ABLIM2: variants seen among roughly 807,000 people sequenced by gnomAD.
The protein encoded by ABLIM2 is actin-binding LIM protein 2.
ABLIM2 carries 53 observed loss-of-function variants against 97.7 expected under a neutral mutation model. That is an observed-to-expected ratio of 0.54 (90% confidence interval 0.44 to 0.68). ABLIM2 has a LOEUF of 0.68. Among genes scored for constraint, ABLIM2 ranks in the 30% least tolerant of loss-of-function variants. The pLI, the probability that ABLIM2 is intolerant of heterozygous loss-of-function variation, is 0.00. For missense variants in ABLIM2, 835 were observed against 867.2 expected (o/e 0.96, Z 0.47); for synonymous variants, 361 against 345.8 (o/e 1.04, Z -0.49).
At chr4:8,136,283 C>T (rs548949667) in intron 1 of ABLIM2, among the ~76,000 whole-genome samples, 1 of 152,100 alleles carries the variant, frequency 6.6e-6, no homozygotes, top group South Asian at 2.1e-4. Context: ...GTGGCAGGGG[C>T]CGGGGAGTTA....
chr4:7,982,705 A>G (rs554475091), intron 20 of ABLIM2, among the ~76,000 whole-genome samples: 1 of 151,612 alleles, frequency 6.6e-6, no homozygotes, highest in African/African-American at 2.4e-5. Flanking sequence ...AGAGCTCATT[A>G]TTATTATTAT....
Position 8,151,195 on chromosome 4 carries a change from T to C in ABLIM2, c.10+7485A>G, listed in dbSNP as rs548746461. On this transcript the variant is annotated intron_variant, in intron 1 of 20. Coordinates refer to ENST00000447017, the MANE Select transcript of ABLIM2 (RefSeq NM_001130083.2). ...CCAGCCCCAAAGCCAGTGCATCTTC[T>C]GAGGCACCCAGACTGGCCCCCTCAC... Among the ~76,000 whole-genome samples, 6 of 152,304 alleles carry C rather than the reference T, an allele frequency of 3.9e-5. No individual in the cohort carries two copies. The East Asian group carries it at 1.2e-3, about 29-fold the overall frequency.
chr4:7,997,065 T>G (rs889463842), intron 16 of ABLIM2, among the ~76,000 whole-genome samples: 1 of 152,134 alleles, frequency 6.6e-6, no homozygotes, highest in African/African-American at 2.4e-5. Context: ...CAGACATTAT[T>G]TTTTACATAT....
rs1290893611 is a variant in ABLIM2 at position 8,071,218 on chromosome 4, A to C, written c.675+6410T>G. On this transcript the variant is annotated intron_variant, in intron 6 of 20. Transcript: ENST00000447017. This position sits in a 1 kb window ranked among gnomAD's most constrained non-coding sequence, Gnocchi z 6.2. ...TCTGCCACAGTTGCTGCCAGGCGCC[A>C]CCCACCTCTGCTGCCCCAGCCCAGT... Among the ~76,000 whole-genome samples the C allele has an allele frequency of 1.3e-5, 2 of 152,000 alleles. No homozygotes were observed. The highest frequency in any genetic ancestry group is 2.9e-5 in the Non-Finnish European group (2 of 67,996).
At chr4:8,024,511 G>T (rs11726230) in intron 12 of ABLIM2, among the ~76,000 whole-genome samples, 20,030 of 152,140 alleles carry the variant, frequency 0.13, 1,339 homozygotes, top group Middle Eastern at 0.2. Context: ...GAGGAGCCCG[G>T]GGAGCAAACA....
In ABLIM2 at chr4:8,054,562, G is replaced by T. The variant is rs200739384; in HGVS notation, c.764-316C>A. ...TCTTGAGGAACCTGGGGGGCAGCTG[G>T]AAGATTCTTCTCTGAGGAGGGGGTA... On this transcript the variant is annotated intron_variant, in intron 7 of 20. Transcript: ENST00000447017. This position sits in a 1 kb window ranked among gnomAD's most constrained non-coding sequence, Gnocchi z 4.9. Among the ~76,000 whole-genome samples, 13 of 152,354 alleles carry T rather than the reference G, an allele frequency of 8.5e-5. No homozygotes were observed. The highest frequency in any genetic ancestry group is 5.8e-4 in the East Asian group (3 of 5,182).
chr4:7,985,211 T>G (rs1009927644), intron 17 of ABLIM2, among the ~76,000 whole-genome samples: 9 of 152,170 alleles, frequency 5.9e-5, no homozygotes, highest in Non-Finnish European at 1.2e-4. Flanking sequence ...GTGCCTGAGT[T>G]CCCCACTCTG....
intron 3 of ABLIM2, among the ~76,000 whole-genome samples, chr4:8,091,052 C>A (rs1827034441): frequency 2.0e-5 from 3 of 151,108 alleles, no homozygotes. Flanking sequence ...AACTGCCAAG[C>A]CGGTTTCCAT....
At chr4:8,016,192 C>T (rs1361119313) in intron 14 of ABLIM2, among the ~76,000 whole-genome samples, 1 of 151,942 alleles carries the variant, frequency 6.6e-6, no homozygotes, top group African/African-American at 2.4e-5. Flanking sequence ...TACAGGCATG[C>T]ACCACCATGC....
At chr4:8,097,403 G>T in intron 2 of ABLIM2, 121 bp from the exon 3 acceptor site, 1 of 1,239,820 alleles carries the variant, frequency 8.1e-7, no homozygotes. Flanking sequence ...TGAGGCCTCG[G>T]CACACACTTG....
chr4:7,985,308 T>C (rs1742911912), intron 17 of ABLIM2, among the ~76,000 whole-genome samples: 1 of 152,150 alleles, frequency 6.6e-6, no homozygotes, highest in Non-Finnish European at 1.5e-5. Flanking sequence ...TCCCCGTTGG[T>C]GATCTGTCCC....
Position 8,005,499 on chromosome 4 carries a change from G to A in ABLIM2, c.1618+2560C>T. 1.9e-6 allele frequency: 1 copy of A among 520,168 alleles called. No homozygotes were observed. Among genetic ancestry groups the A allele is most frequent in the Non-Finnish European group, 3.9e-6 (1 of 255,350 alleles). The allele number at this position is 520,168 out of a possible 1,614,324, so 32.2% of individuals were successfully genotyped here. ...GTAAAAGCTGTGTGCAAATGGAACT[G>A]GTGCCCACGGACTCAGGTCTGGGGG... On this transcript the variant is annotated intron_variant, in intron 16 of 20. Transcript: ENST00000447017. The surrounding 1 kb of genome is among the most constrained non-coding windows in gnomAD (Gnocchi z 4.9).
chr4:8,139,577 C>T lies in ABLIM2; in HGVS notation c.10+19103G>A, dbSNP rs532470052. ...TACCATCTCACACCAGTCAGAATGGCGATTATTAAAAAGTCAAGAAACGAC... is the reference window on the plus strand; with the variant it reads ...TACCATCTCACACCAGTCAGAATGGTGATTATTAAAAAGTCAAGAAACGAC... On this transcript the variant is annotated intron_variant, in intron 1 of 20. Coordinates refer to ENST00000447017, the MANE Select transcript of ABLIM2 (RefSeq NM_001130083.2). Among the ~76,000 whole-genome samples, 63 of 152,188 alleles carry T rather than the reference C, an allele frequency of 4.1e-4. 1 individual carries two copies. The South Asian group carries it at 9.6e-3, about 23-fold the overall frequency.
chr4:8,045,598 G>C (rs983281032), intron 8 of ABLIM2, among the ~76,000 whole-genome samples: 1 of 152,198 alleles, frequency 6.6e-6, no homozygotes, highest in African/African-American at 2.4e-5. Flanking sequence ...AGTGAGCCAA[G>C]ATCGCGCCAC....
At chr4:8,091,321 ATATATATAT>A (rs1827420307) in intron 3 of ABLIM2, among the ~76,000 whole-genome samples, 1 of 28,328 alleles carries the variant, frequency 3.5e-5, no homozygotes, top group Non-Finnish European at 5.7e-5. Context: ...ATATATAATT[ATATATATAT>A]TATATATATA....
chr4:8,061,013 G>C lies in ABLIM2; in HGVS notation c.717C>G (p.Val239=). 6.3e-7 allele frequency: 1 copy of C among 1,599,658 alleles called. No individual in the cohort carries two copies. Residue 239 remains valine (V), a synonymous_variant, in exon 7 of 21, where the codon GTC becomes GTG. Transcript: ENST00000447017. This position sits in a 1 kb window ranked among gnomAD's most constrained non-coding sequence, Gnocchi z 4.5. The part of the protein sequence containing the change: ...KHYHPSCALC[V]RCGQMFAEGE... ...CTTCTGCAAACATCTGGCCGCACCT[G>C]ACACATAGCGCGCAGGAAGGGTGGT...
intron 12 of ABLIM2, among the ~76,000 whole-genome samples, chr4:8,024,029 G>T (rs1048290367): frequency 2.6e-5 from 4 of 152,204 alleles, no homozygotes; most frequent in African/African-American, 9.6e-5. Context: ...TCACCCTGAG[G>T]ACGATGCTTC....
At position 8,122,715 on chromosome 4, in the gene ABLIM2, A is replaced by G. The variant is rs372514087; in HGVS notation, c.11-16078T>C. Among the ~76,000 whole-genome samples the G allele has an allele frequency of 1.3e-4, 20 of 152,236 alleles. No individual in the cohort carries two copies. In the South Asian group the frequency reaches 1.9e-3, roughly 14 times the overall value. On this transcript the variant is annotated intron_variant, in intron 1 of 20. Transcript: ENST00000447017. This position sits in a 1 kb window ranked among gnomAD's most constrained non-coding sequence, Gnocchi z 4.1. ...TGTCAGACCCTACATGGTACTTGCC[A>G]CTTTAGTCCACTTGCCACTTTAGTT...
chr4:8,117,321 G>A (rs868710300), intron 1 of ABLIM2, among the ~76,000 whole-genome samples: 2 of 152,022 alleles, frequency 1.3e-5, no homozygotes, highest in Non-Finnish European at 2.9e-5. Context: ...AGAAAGCTGC[G>A]ACTAACCGAT....
Sources: gnomAD v4.1 joint callset for allele counts (sites outside exome capture counted in the v4.1 genomes callset) on GRCh38, gnomAD v4.1.1 for gene constraint, Gnocchi (gnomAD v3.1) non-coding constraint, MANE v1.5 for transcripts, NCBI Gene and HGNC (gene_info 2026-07-23, HGNC 2026-07-21) for gene names.